Variants in SORCS3 observed in about 807,000 individuals in gnomAD.
SORCS3 encodes VPS10 domain-containing receptor SorCS3.
SORCS3 carries 57 observed loss-of-function variants against 146.3 expected under a neutral mutation model. The observed-to-expected ratio is 0.39, with a 90% CI of 0.31 to 0.49. SORCS3 has a LOEUF of 0.49. SORCS3 is among the 20% of genes least tolerant of loss of function. The probability of loss-of-function intolerance (pLI) is 0.92; values close to 1 mark genes in which losing one functional copy is unlikely to be tolerated. For missense variants in SORCS3, 1,341 were observed against 1,575.5 expected, an observed-to-expected ratio of 0.85 and a Z score of 2.52; for synonymous variants, 653 against 618.5, an observed-to-expected ratio of 1.06 and a Z score of -0.83.
intron 1 of SORCS3, among the ~76,000 whole-genome samples, chr10:104,709,339 C>T (rs2016385455): frequency 6.6e-6 from 1 of 152,140 alleles, no homozygotes. Context: ...GGGCAATGAA[C>T]AGTGGTCTCC....
chr10:105,092,307 T>C (rs1395954833), intron 6 of SORCS3, among the ~76,000 whole-genome samples: 3 of 152,224 alleles, frequency 2.0e-5, no homozygotes, highest in South Asian at 4.1e-4. Flanking sequence ...TGTCTTGTGC[T>C]GTACTTAGGT....
intron 2 of SORCS3, among the ~76,000 whole-genome samples, chr10:104,885,405 T>C (rs1275996435): frequency 6.6e-6 from 1 of 152,182 alleles, no homozygotes; most frequent in Non-Finnish European, 1.5e-5. Flanking sequence ...TTTAAAATGT[T>C]CAAAATATTC....
chr10:104,721,984 G>A (rs950806027), intron 1 of SORCS3, among the ~76,000 whole-genome samples: 27 of 152,244 alleles, frequency 1.8e-4, no homozygotes, highest in African/African-American at 5.8e-4. Context: ...TCTCCTGCCT[G>A]ATTGCCCTGG....
intron 4 of SORCS3, among the ~76,000 whole-genome samples, chr10:104,980,137 CTTGCTAAAAATATTTGAAAATGTGGCAG>C (rs1223796017): frequency 1.3e-5 from 2 of 152,210 alleles, no homozygotes; most frequent in African/African-American, 4.8e-5. Context: ...TGCTCTTTCA[CTTGCTAAAAATATTTGAAAATGTGGCAG>C]TGGGTGTTGA....
chr10:104,887,971 G>GGTTGC (rs145157471), intron 2 of SORCS3, among the ~76,000 whole-genome samples: 6 of 83,120 alleles, frequency 7.2e-5, no homozygotes, highest in Admixed American at 1.0e-4. Flanking sequence ...GGGGGGCGGG[G>GGTTGC]GCGGAGCAAG....
intron 3 of SORCS3, among the ~76,000 whole-genome samples, chr10:104,977,009 T>G (rs2054902658): frequency 6.6e-6 from 1 of 151,666 alleles, no homozygotes; most frequent in Non-Finnish European, 1.5e-5. Context: ...TGTATATATA[T>G]GTAACTAACC....
chr10:104,834,207 GCAA>G (rs1176664420), intron 1 of SORCS3, among the ~76,000 whole-genome samples: 2 of 152,074 alleles, frequency 1.3e-5, no homozygotes, highest in African/African-American at 4.8e-5. Context: ...TCTAAACACA[GCAA>G]CCAGAGTGAT....
chr10:105,012,945 C>G (rs1034465896), intron 4 of SORCS3, among the ~76,000 whole-genome samples: 1 of 152,092 alleles, frequency 6.6e-6, no homozygotes, highest in Non-Finnish European at 1.5e-5. Flanking sequence ...AAGCACCTAC[C>G]TCATAATGTG....
At chr10:105,048,425 A>G (rs1240116118) in intron 5 of SORCS3, among the ~76,000 whole-genome samples, 3 of 151,204 alleles carry the variant, frequency 2.0e-5, no homozygotes, top group Non-Finnish European at 4.4e-5. Flanking sequence ...TCAGCAAACT[A>G]TCGCAAGGAC....
At chr10:104,705,717 C>G (rs1420657653) in intron 1 of SORCS3, among the ~76,000 whole-genome samples, 1 of 152,162 alleles carries the variant, frequency 6.6e-6, no homozygotes, top group African/African-American at 2.4e-5. Flanking sequence ...AAGTAGGCAT[C>G]AGAAGCAATG....
intron 20 of SORCS3, among the ~76,000 whole-genome samples, chr10:105,241,266 G>A (rs1174705260): frequency 6.6e-6 from 1 of 152,196 alleles, no homozygotes; most frequent in Non-Finnish European, 1.5e-5. Context: ...ATGTGAGCGA[G>A]TTAGTGTGGG....
chr10:105,178,516 G>A (rs2056422707), intron 14 of SORCS3, among the ~76,000 whole-genome samples: 1 of 152,072 alleles, frequency 6.6e-6, no homozygotes, highest in Non-Finnish European at 1.5e-5. Flanking sequence ...GAGATAAGGA[G>A]CAGGGGCAGG....
intron 1 of SORCS3, among the ~76,000 whole-genome samples, chr10:104,699,468 A>G (rs1589463241): frequency 1.3e-5 from 2 of 152,324 alleles, no homozygotes; most frequent in East Asian, 3.9e-4. Context: ...GATGGTTTCA[A>G]AGATGAGATG....
At chr10:104,952,869 C>T (rs962126936) in intron 3 of SORCS3, among the ~76,000 whole-genome samples, 3 of 152,158 alleles carry the variant, frequency 2.0e-5, no homozygotes, top group Non-Finnish European at 4.4e-5. Flanking sequence ...TAATTTCTTG[C>T]TATTTTCTAT....
At chr10:104,687,904 C>A (rs1344335599) in intron 1 of SORCS3, among the ~76,000 whole-genome samples, 1 of 152,168 alleles carries the variant, frequency 6.6e-6, no homozygotes, top group African/African-American at 2.4e-5. Context: ...GAAATAAAGC[C>A]TGTGCTTTGC....
chr10:105,035,453 C>A (rs1053288178), intron 4 of SORCS3, among the ~76,000 whole-genome samples: 1 of 147,502 alleles, frequency 6.8e-6, no homozygotes, highest in African/African-American at 2.6e-5. Flanking sequence ...ATACCCTGCC[C>A]TTCTCACCAA....
At chr10:104,696,538 AC>A (rs1242501355) in intron 1 of SORCS3, among the ~76,000 whole-genome samples, 7 of 73,302 alleles carry the variant, frequency 9.5e-5, no homozygotes, top group Non-Finnish European at 1.2e-4. Context: ...TATATTATAT[AC>A]ATATATAATA....
chr10:104,710,971 A>G (rs1030134284), intron 1 of SORCS3, among the ~76,000 whole-genome samples: 1 of 152,232 alleles, frequency 6.6e-6, no homozygotes, highest in African/African-American at 2.4e-5. Flanking sequence ...GGACGTTTCC[A>G]GGATCATCCA....
At chr10:105,251,741 C>T (rs923051592) in intron 22 of SORCS3, among the ~76,000 whole-genome samples, 3 of 152,294 alleles carry the variant, frequency 2.0e-5, no homozygotes, top group East Asian at 1.9e-4. Flanking sequence ...ATCCTGTTTT[C>T]TTTAAAAATT....
Sources: allele counts gnomAD v4.1 joint callset (sites outside exome capture counted in the v4.1 genomes callset), GRCh38; gene constraint gnomAD v4.1.1; transcripts MANE v1.5; gene names NCBI Gene and HGNC (gene_info 2026-07-23, HGNC 2026-07-21).